Variants in ANO4 observed in about 807,000 individuals in gnomAD.
The protein encoded by ANO4 is anoctamin 4.
In ANO4, 69 loss-of-function variants were observed where a neutral mutation model predicts 141.9. The observed-to-expected ratio is 0.49, with a 90% confidence interval of 0.40 to 0.59. The LOEUF (loss-of-function observed/expected upper bound fraction) is 0.59. Ranked by LOEUF, ANO4 falls within the 20% of genes least tolerant of loss-of-function variation. The pLI, the probability that ANO4 is intolerant of heterozygous loss-of-function variation, is 0.00. For synonymous variants in ANO4, 350 were observed against 394.3 expected (o/e 0.89, Z 1.33); for missense variants, 894 against 1,162.2 (o/e 0.77, Z 3.36).
chr12:100,762,583 G>A (rs964035880), intron 3 of ANO4, among the ~76,000 whole-genome samples: 2 of 152,192 alleles, frequency 1.3e-5, no homozygotes, highest in Non-Finnish European at 2.9e-5. Context: ...ATGAGAACAA[G>A]TGCTTACTTC....
At chr12:100,879,571 T>A (rs1158877623) in intron 1 of ANO4, among the ~76,000 whole-genome samples, 6 of 152,176 alleles carry the variant, frequency 3.9e-5, no homozygotes, top group Admixed American at 3.3e-4. Context: ...AAGTGAAGTA[T>A]TCTATTTATT....
intron 3 of ANO4, among the ~76,000 whole-genome samples, chr12:100,750,881 C>T (rs1465942651): frequency 6.6e-6 from 1 of 152,050 alleles, no homozygotes; most frequent in Non-Finnish European, 1.5e-5. Context: ...GATTTTGAGC[C>T]AGAGATGTGC....
intron 3 of ANO4, among the ~76,000 whole-genome samples, chr12:100,779,042 A>G (rs2135574983): frequency 6.6e-6 from 1 of 151,912 alleles, no homozygotes; most frequent in East Asian, 1.9e-4. Context: ...TACTACTACT[A>G]TGACCAAAAG....
At chr12:101,042,703 A>G (rs914573223) in intron 12 of ANO4, among the ~76,000 whole-genome samples, 5 of 152,200 alleles carry the variant, frequency 3.3e-5, no homozygotes, top group Non-Finnish European at 5.9e-5. Flanking sequence ...ACAAGCCACT[A>G]TATATCCACA....
chr12:101,104,916 A>G (rs1214926549), intron 22 of ANO4, among the ~76,000 whole-genome samples: 1 of 151,860 alleles, frequency 6.6e-6, no homozygotes, highest in Admixed American at 6.6e-5. Flanking sequence ...AGTTCAGTCA[A>G]CTTTTGCTTT....
intron 14 of ANO4, chr12:101,069,041 G>A (rs2048707693): frequency 2.4e-6 from 2 of 829,902 alleles, no homozygotes; most frequent in Non-Finnish European, 4.3e-6. Context: ...GTTGGCTAAG[G>A]TACACTAGGA....
chr12:100,987,918 ATCT>A (rs2044791919), intron 8 of ANO4, among the ~76,000 whole-genome samples: 1 of 152,126 alleles, frequency 6.6e-6, no homozygotes, highest in African/African-American at 2.4e-5. Flanking sequence ...TGGGTAAATG[ATCT>A]TCTCCACAGA....
At chr12:100,885,071 A>G (rs1008107713) in intron 1 of ANO4, among the ~76,000 whole-genome samples, 2 of 152,216 alleles carry the variant, frequency 1.3e-5, no homozygotes, top group African/African-American at 4.8e-5. Flanking sequence ...AGCCAGCAAC[A>G]TAATGTCTCT....
At chr12:100,999,454 C>G (rs550247270) in intron 8 of ANO4, among the ~76,000 whole-genome samples, 1 of 152,310 alleles carries the variant, frequency 6.6e-6, no homozygotes, top group East Asian at 1.9e-4. Context: ...TTGTACCTAT[C>G]TAAATAATCC....
intron 21 of ANO4, 31 bp from the exon 22 acceptor site, chr12:101,099,546 AT>A: frequency 1.3e-6 from 2 of 1,568,450 alleles, no homozygotes; most frequent in Non-Finnish European, 1.7e-6. Flanking sequence ...GATCAGTTAC[AT>A]TTTTTGTAAG....
chr12:100,924,190 G>A lies in ANO4; in HGVS notation c.160+1860G>A, dbSNP rs139125832. Among the ~76,000 whole-genome samples, 420 of 152,160 alleles carry A rather than the reference G, an allele frequency of 2.8e-3. 6 individuals carry two copies. Among genetic ancestry groups the A allele is most frequent in the African/African-American group, 9.9e-3 (409 of 41,520 alleles). On this transcript the variant is annotated intron_variant, in intron 3 of 27. Coordinates refer to ENST00000392977, the MANE Select transcript of ANO4 (RefSeq NM_001286615.2). ...GGCGTTTGTTGCCATTGCTTTTGAT[G>A]TTTTAGTCATGAAGTCCTTGCCCAT...
chr12:101,024,928 G>A (rs1273634901), intron 9 of ANO4, among the ~76,000 whole-genome samples: 1 of 152,194 alleles, frequency 6.6e-6, no homozygotes, highest in Admixed American at 6.5e-5. Context: ...AATGAAAAGT[G>A]AATCAGTGCA....
chr12:100,896,588 A>T (rs2040365732), intron 1 of ANO4, among the ~76,000 whole-genome samples: 1 of 152,216 alleles, frequency 6.6e-6, no homozygotes, highest in Admixed American at 6.5e-5. Flanking sequence ...CTGTGAGATG[A>T]TAAAATCTTG....
At chr12:101,127,778 A>C (rs997064627) in intron 27 of ANO4, 83 bp from the exon 28 acceptor site, 1 of 152,712 alleles carries the variant, frequency 6.5e-6, no homozygotes, top group East Asian at 1.9e-4. Context: ...CCTTTGGTGC[A>C]TGGTAAGTAC....
chr12:100,801,042 T>A (rs529815328), intron 1 of ANO4, among the ~76,000 whole-genome samples: 79 of 152,322 alleles, frequency 5.2e-4, no homozygotes, highest in African/African-American at 1.8e-3. Context: ...CTAGGTATAC[T>A]ATCTCTGTTG....
chr12:100,791,855 G>A (rs1157694970), upstream of ANO4, among the ~76,000 whole-genome samples: 1 of 152,210 alleles, frequency 6.6e-6, no homozygotes, highest in African/African-American at 2.4e-5. Context: ...AAAGATAGGT[G>A]GAGCCATTGG....
At position 101,094,340 on chromosome 12, in the gene ANO4, A is replaced by C. The variant is rs1177542292; in HGVS notation, c.1738+48A>C. 2.0e-6 allele frequency: 3 copies of C among 1,472,924 alleles called. No homozygotes were observed. In the Admixed American group the frequency reaches 5.7e-5, roughly 28 times the overall value. The allele number at this position is 1,472,924 out of a possible 1,614,324, so 91.2% of individuals were successfully genotyped here. On this transcript the variant is annotated intron_variant, in intron 18 of 27. Coordinates refer to ENST00000392977, the MANE Select transcript of ANO4 (RefSeq NM_001286615.2). Reference sequence around the variant, plus strand: ...CATAGAACTGTACTGTGGGCTAGAGAGTATGGTTCAAAGATTCCTTTCTCT... The same window carrying C: ...CATAGAACTGTACTGTGGGCTAGAGCGTATGGTTCAAAGATTCCTTTCTCT...
At chr12:100,964,340 A>G (rs942874097) in intron 5 of ANO4, among the ~76,000 whole-genome samples, 1 of 152,184 alleles carries the variant, frequency 6.6e-6, no homozygotes, top group African/African-American at 2.4e-5. Context: ...AATAATAATA[A>G]TACCGGGGTT....
At chr12:101,123,752 C>T (rs556564734) in intron 26 of ANO4, among the ~76,000 whole-genome samples, 1 of 152,144 alleles carries the variant, frequency 6.6e-6, no homozygotes, top group Non-Finnish European at 1.5e-5. Context: ...TATGCCTTTG[C>T]TATTGTGAAT....
Sources: allele counts gnomAD v4.1 joint callset (sites outside exome capture counted in the v4.1 genomes callset), GRCh38; gene constraint gnomAD v4.1.1; transcripts MANE v1.5; gene names NCBI Gene and HGNC (gene_info 2026-07-23, HGNC 2026-07-21).